The following NEK1 variants were observed in gnomAD, a reference collection of about 807,000 sequenced individuals.
The protein encoded by NEK1 is NIMA related kinase 1.
NEK1 carries 137 observed loss-of-function variants against 182.1 expected under a neutral mutation model. The observed-to-expected ratio is 0.75, with a 90% CI of 0.65 to 0.87. The LOEUF (loss-of-function observed/expected upper bound fraction) is 0.87, where lower values mean the gene tolerates loss of function less well. Ranked by LOEUF, NEK1 falls within the 40% of genes least tolerant of loss-of-function variation. The pLI is 0.00. For missense variants in NEK1, 1,391 were observed against 1,494.4 expected, an observed-to-expected ratio of 0.93 and a Z score of 1.14; for synonymous variants, 513 against 492.2, an observed-to-expected ratio of 1.04 and a Z score of -0.56.
intron 12 of NEK1, among the ~76,000 whole-genome samples, chr4:169,567,170 G>A (rs1376058932): frequency 6.6e-6 from 1 of 151,958 alleles, no homozygotes; most frequent in Non-Finnish European, 1.5e-5. Flanking sequence ...TCAGAAATCT[G>A]GGGTTTATTT....
intron 23 of NEK1, among the ~76,000 whole-genome samples, chr4:169,501,613 C>G (rs1354899914): frequency 6.6e-6 from 1 of 152,060 alleles, no homozygotes. Context: ...CAAAGCCACA[C>G]AAATACATGG....
chr4:169,541,848 G>A (rs1421867103), intron 18 of NEK1, among the ~76,000 whole-genome samples: 2 of 152,092 alleles, frequency 1.3e-5, no homozygotes, highest in East Asian at 3.9e-4. Context: ...CTTCCAGTTT[G>A]AAGATGTTCA....
intron 26 of NEK1, among the ~76,000 whole-genome samples, chr4:169,463,643 A>G (rs1021163810): frequency 1.3e-5 from 2 of 152,032 alleles, no homozygotes; most frequent in Non-Finnish European, 2.9e-5. Context: ...ATATAAAAAT[A>G]GGAAAAAACC....
intron 23 of NEK1, among the ~76,000 whole-genome samples, chr4:169,505,211 CAATAAAT>C (rs1753045067): frequency 6.6e-6 from 1 of 151,634 alleles, no homozygotes; most frequent in African/African-American, 2.4e-5. Context: ...TTAAAAAAAA[CAATAAAT>C]ATACAGTTAA....
intron 26 of NEK1, among the ~76,000 whole-genome samples, chr4:169,476,312 G>A (rs897972169): frequency 2.0e-5 from 3 of 152,012 alleles, no homozygotes; most frequent in African/African-American, 7.2e-5. Flanking sequence ...AGTAGTCTAT[G>A]ATTATTCCTA....
intron 28 of NEK1, among the ~76,000 whole-genome samples, chr4:169,434,583 T>G (rs1240891790): frequency 2.0e-5 from 3 of 152,178 alleles, no homozygotes; most frequent in Non-Finnish European, 4.4e-5. Flanking sequence ...TGGCTAATAT[T>G]TTCCAAAAGT....
At chr4:169,539,579 G>A (rs1257762228) in intron 18 of NEK1, among the ~76,000 whole-genome samples, 1 of 152,042 alleles carries the variant, frequency 6.6e-6, no homozygotes, top group African/African-American at 2.4e-5. Context: ...AAATTAATAA[G>A]GTATATCTGG....
At chr4:169,526,058 C>A (rs1341970649) in intron 19 of NEK1, among the ~76,000 whole-genome samples, 5 of 152,200 alleles carry the variant, frequency 3.3e-5, no homozygotes, top group Non-Finnish European at 7.3e-5. Flanking sequence ...AACCCACCTT[C>A]CCTCTGACAC....
At chr4:169,606,168 A>T (rs1249744640) in intron 2 of NEK1, among the ~76,000 whole-genome samples, 1 of 151,500 alleles carries the variant, frequency 6.6e-6, no homozygotes, top group African/African-American at 2.4e-5. Context: ...AAGCCATTCC[A>T]TCAAAAAATT....
chr4:169,567,479 C>T (rs951023641), intron 12 of NEK1, among the ~76,000 whole-genome samples: 1 of 151,998 alleles, frequency 6.6e-6, no homozygotes, highest in African/African-American at 2.4e-5. Flanking sequence ...CTGCTCACTG[C>T]AACCTCCACC....
intron 19 of NEK1, among the ~76,000 whole-genome samples, chr4:169,521,524 T>G (rs1031280264): frequency 1.3e-5 from 2 of 152,184 alleles, no homozygotes; most frequent in Non-Finnish European, 2.9e-5. Context: ...CCATCTTGGT[T>G]CCTCCCCCTG....
chr4:169,401,952 C>A, intron 32 of NEK1, 92 bp from the exon 33 acceptor site: 1 of 1,047,034 alleles, frequency 9.6e-7, no homozygotes, highest in East Asian at 2.6e-5. Flanking sequence ...AATTTTACTT[C>A]TACTCAATAC....
intron 28 of NEK1, among the ~76,000 whole-genome samples, chr4:169,435,737 G>A (rs1163178670): frequency 6.6e-6 from 1 of 151,924 alleles, no homozygotes; most frequent in Non-Finnish European, 1.5e-5. Flanking sequence ...GAAGGAGAGG[G>A]ACCCGAATAA....
At chr4:169,419,353 T>C (rs1735082512) in intron 31 of NEK1, among the ~76,000 whole-genome samples, 1 of 151,660 alleles carries the variant, frequency 6.6e-6, no homozygotes, top group Admixed American at 6.6e-5. Context: ...AAAATCATCA[T>C]CAACAGGGCT....
chr4:169,463,436 TATA>T (rs1472138182), intron 26 of NEK1, 41 bp from the exon 27 acceptor site: 1 of 1,492,164 alleles, frequency 6.7e-7, no homozygotes, highest in Non-Finnish European at 9.2e-7. Context: ...TCAATAACAG[TATA>T]ATAATACTGC....
chr4:169,600,346 C>T (rs1193370380), intron 4 of NEK1, among the ~76,000 whole-genome samples: 1 of 152,044 alleles, frequency 6.6e-6, no homozygotes, highest in Non-Finnish European at 1.5e-5. Context: ...CACACCACCA[C>T]ACCTGGCTAA....
At chr4:169,428,363 T>TATATATATATATATAC (rs1416735801) in intron 29 of NEK1, among the ~76,000 whole-genome samples, 2 of 143,604 alleles carry the variant, frequency 1.4e-5, no homozygotes, top group Non-Finnish European at 3.0e-5. Flanking sequence ...TATATATATA[T>TATATATATATATATAC]ATATATATAA....
chr4:169,523,714 C>T (rs960427050), intron 19 of NEK1, among the ~76,000 whole-genome samples: 4 of 152,270 alleles, frequency 2.6e-5, no homozygotes, highest in African/African-American at 7.2e-5. Flanking sequence ...TTGCTTAACA[C>T]GATGCCTGGC....
intron 19 of NEK1, among the ~76,000 whole-genome samples, chr4:169,512,407 C>T (rs1373679294): frequency 6.6e-6 from 1 of 151,958 alleles, no homozygotes; most frequent in African/African-American, 2.4e-5. Context: ...ATATGTATAT[C>T]CTCTTTGGTG....
Sources: gnomAD v4.1 joint callset for allele counts (sites outside exome capture counted in the v4.1 genomes callset) on GRCh38, gnomAD v4.1.1 for gene constraint, MANE v1.5 for transcripts, NCBI Gene and HGNC (gene_info 2026-07-23, HGNC 2026-07-21) for gene names.